Variants in TECRL observed in about 807,000 individuals in gnomAD.
TECRL encodes the protein trans-2,3-enoyl-CoA reductase like.
In TECRL, 63 loss-of-function variants were observed where a neutral mutation model predicts 52.8. The ratio of observed to expected loss-of-function variants is 1.19; its 90% confidence interval spans 0.97 to 1.47. The LOEUF is 1.47. Among genes scored for constraint, TECRL ranks in the 40% most tolerant of loss-of-function variants. The pLI is 0.00. For synonymous variants in TECRL, 164 were observed against 141.9 expected, an observed-to-expected ratio of 1.16 and a Z score of -1.10; for missense variants, 482 against 429.6, an observed-to-expected ratio of 1.12 and a Z score of -1.08.
intron 5 of TECRL, among the ~76,000 whole-genome samples, chr4:64,312,989 T>A (rs1170036770): frequency 6.6e-6 from 1 of 152,194 alleles, no homozygotes; most frequent in Non-Finnish European, 1.5e-5. Flanking sequence ...GCCATAATTG[T>A]AAGTTTCTTG....
chr4:64,298,652 A>G (rs934757481), intron 8 of TECRL, among the ~76,000 whole-genome samples: 2 of 151,238 alleles, frequency 1.3e-5, no homozygotes, highest in Non-Finnish European at 3.0e-5. Context: ...TAATAATATT[A>G]CATGAAAAGG....
At chr4:64,345,671 G>A (rs1218832495) in intron 2 of TECRL, among the ~76,000 whole-genome samples, 1 of 151,418 alleles carries the variant, frequency 6.6e-6, no homozygotes, top group African/African-American at 2.4e-5. Flanking sequence ...TGCATGTTGT[G>A]CACATGTACC....
intron 8 of TECRL, among the ~76,000 whole-genome samples, chr4:64,293,457 T>C (rs1291788809): frequency 6.6e-6 from 1 of 152,100 alleles, no homozygotes; most frequent in East Asian, 1.9e-4. Flanking sequence ...ATACACCCTG[T>C]TAAATCTCAC....
intron 2 of TECRL, among the ~76,000 whole-genome samples, chr4:64,349,848 A>T (rs913274335): frequency 2.6e-5 from 4 of 152,190 alleles, no homozygotes; most frequent in Non-Finnish European, 5.9e-5. Flanking sequence ...TAATAATGGA[A>T]TTTATAGGTG....
At chr4:64,292,889 G>A (rs1267792058) in intron 8 of TECRL, among the ~76,000 whole-genome samples, 1 of 151,914 alleles carries the variant, frequency 6.6e-6, no homozygotes, top group Non-Finnish European at 1.5e-5. Context: ...AATCCACTAG[G>A]TGCTAGTGTT....
chr4:64,342,992 AC>A (rs1719694618), intron 2 of TECRL, among the ~76,000 whole-genome samples: 2 of 152,114 alleles, frequency 1.3e-5, no homozygotes, highest in Non-Finnish European at 2.9e-5. Flanking sequence ...GTGATCACTA[AC>A]AAAACCAGCA....
intron 3 of TECRL, among the ~76,000 whole-genome samples, chr4:64,327,954 C>T (rs1402453713): frequency 6.6e-6 from 1 of 151,774 alleles, no homozygotes; most frequent in Non-Finnish European, 1.5e-5. Context: ...AAATTTTAAA[C>T]TCCAAATTTA....
In TECRL at chr4:64,314,602, T is replaced by G. The variant is rs762945915; in HGVS notation, c.551+46A>C. 9.7e-4 allele frequency: 309 copies of G among 318,608 alleles called. 1 individual carries two copies. Among genetic ancestry groups the G allele is most frequent in the Middle Eastern group, 1.9e-3 (3 of 1,558 alleles). 19.7% of individuals were successfully genotyped at this position (318,608 alleles called of 1,614,324 possible). On this transcript the variant is annotated intron_variant, in intron 5 of 11. Coordinates refer to ENST00000381210, the MANE Select transcript of TECRL (RefSeq NM_001010874.5). ...CCTTAACGTGTATGGTGTGTGTGTGTGTGTGTGTGTGTGTGTGTGTGTGTG... is the reference window on the plus strand; with the variant it reads ...CCTTAACGTGTATGGTGTGTGTGTGGGTGTGTGTGTGTGTGTGTGTGTGTG...
At chr4:64,324,664 G>T (rs1718128414) in intron 3 of TECRL, among the ~76,000 whole-genome samples, 1 of 151,966 alleles carries the variant, frequency 6.6e-6, no homozygotes, top group African/African-American at 2.4e-5. Context: ...AGATAATTTA[G>T]GTGGTCATGT....
At chr4:64,336,104 T>C (rs1205222191) in intron 2 of TECRL, among the ~76,000 whole-genome samples, 1 of 152,180 alleles carries the variant, frequency 6.6e-6, no homozygotes, top group African/African-American at 2.4e-5. Flanking sequence ...CTCCTCTTTG[T>C]ACCTCTGGTA....
At chr4:64,286,128 A>AC (rs1268072541) in intron 9 of TECRL, among the ~76,000 whole-genome samples, 1 of 151,960 alleles carries the variant, frequency 6.6e-6, no homozygotes, top group Non-Finnish European at 1.5e-5. Context: ...ACAAAAACTA[A>AC]CCCCCCACAA....
At chr4:64,308,021 T>G (rs1653374476) in intron 6 of TECRL, among the ~76,000 whole-genome samples, 3 of 152,108 alleles carry the variant, frequency 2.0e-5, no homozygotes. Flanking sequence ...CCCTCTGCCT[T>G]TCTGGAACAA....
intron 2 of TECRL, among the ~76,000 whole-genome samples, chr4:64,330,391 T>A (rs904651485): frequency 2.0e-5 from 3 of 152,090 alleles, no homozygotes; most frequent in Admixed American, 2.0e-4. Context: ...ATTGCACATG[T>A]GGAAATTTAA....
intron 6 of TECRL, among the ~76,000 whole-genome samples, chr4:64,308,728 G>T (rs947940889): frequency 1.1e-4 from 17 of 152,124 alleles, no homozygotes; most frequent in African/African-American, 3.9e-4. Context: ...AAGGCATAAG[G>T]AGATGGTAAC....
chr4:64,368,163 T>A (rs1472532568), intron 2 of TECRL, among the ~76,000 whole-genome samples: 1 of 152,184 alleles, frequency 6.6e-6, no homozygotes, highest in East Asian at 1.9e-4. Flanking sequence ...AATGTAACCA[T>A]GTCTGTTACC....
chr4:64,297,244 T>C (rs1560478528), intron 8 of TECRL, among the ~76,000 whole-genome samples: 1 of 151,400 alleles, frequency 6.6e-6, no homozygotes, highest in Non-Finnish European at 1.5e-5. Flanking sequence ...TAGATTAATC[T>C]GACATGGGTA....
At chr4:64,342,170 C>G (rs1719624052) in intron 2 of TECRL, among the ~76,000 whole-genome samples, 1 of 152,126 alleles carries the variant, frequency 6.6e-6, no homozygotes, top group South Asian at 2.1e-4. Flanking sequence ...TATTTTCTGC[C>G]TGTTATTGTT....
At chr4:64,316,791 A>G (rs1717525967) in intron 4 of TECRL, among the ~76,000 whole-genome samples, 2 of 152,174 alleles carry the variant, frequency 1.3e-5, no homozygotes, top group South Asian at 4.1e-4. Context: ...TTTTGAAGAC[A>G]AACACTATAT....
At chr4:64,300,689 T>G (rs1383353263) in intron 7 of TECRL, among the ~76,000 whole-genome samples, 13 of 151,054 alleles carry the variant, frequency 8.6e-5, no homozygotes, top group Admixed American at 7.3e-4. Context: ...TCTTCTCATT[T>G]TATGTATGTG....
Sources: allele counts gnomAD v4.1 joint callset (sites outside exome capture counted in the v4.1 genomes callset), GRCh38; gene constraint gnomAD v4.1.1; transcripts MANE v1.5; gene names NCBI Gene and HGNC (gene_info 2026-07-23, HGNC 2026-07-21).